Variants in SLC14A2 observed in about 807,000 individuals in gnomAD.
SLC14A2 encodes solute carrier family 14 member 2.
A neutral mutation model predicts 104.6 loss-of-function variants in SLC14A2; 91 were observed. The observed-to-expected ratio is 0.87, with a 90% CI of 0.73 to 1.04. The LOEUF (loss-of-function observed/expected upper bound fraction) is 1.04, where lower values mean the gene tolerates loss of function less well. Ranked by LOEUF, SLC14A2 falls within the 50% of genes least tolerant of loss-of-function variation. SLC14A2 has a pLI of 0.00. For missense variants in SLC14A2, 1,189 were observed against 1,156.0 expected (o/e 1.03, Z -0.41); for synonymous variants, 476 against 466.4 (o/e 1.02, Z -0.27).
At chr18:45,564,146 C>G (rs2044237999) in intron 2 of SLC14A2, among the ~76,000 whole-genome samples, 1 of 152,140 alleles carries the variant, frequency 6.6e-6, no homozygotes, top group South Asian at 2.1e-4. Flanking sequence ...AAAAAAGAAA[C>G]AAGATGAATG....
At chr18:45,216,715 G>C (rs1052098224) in intron 1 of SLC14A2, among the ~76,000 whole-genome samples, 2 of 120,850 alleles carry the variant, frequency 1.7e-5, no homozygotes, top group Admixed American at 8.0e-5. Context: ...CTTGGACATA[G>C]GGGGGCCGAG....
intron 10 of SLC14A2, among the ~76,000 whole-genome samples, chr18:45,662,362 C>T (rs145218947): frequency 0.01 from 1,546 of 152,326 alleles, 36 homozygotes; most frequent in African/African-American, 0.035. Flanking sequence ...CACAGACCCT[C>T]TTGTTGTTGG....
chr18:45,171,382 T>A, the SLC14A2 span, among the ~76,000 whole-genome samples: 9 of 152,030 alleles, frequency 5.9e-5, no homozygotes, highest in East Asian at 1.7e-3. Flanking sequence ...GTTTAAAAGG[T>A]GACTACCATT....
intron 1 of SLC14A2, among the ~76,000 whole-genome samples, chr18:45,393,764 A>AT (rs1444240603): frequency 6.6e-6 from 1 of 151,860 alleles, no homozygotes; most frequent in Admixed American, 6.6e-5. Flanking sequence ...AACAATTACC[A>AT]TTTTTCTACC....
At position 45,673,717 on chromosome 18, in the gene SLC14A2, C is replaced by T. The variant is rs1376091552; in HGVS notation, c.2412C>T (p.Tyr804=). ...LTIATPFDSI[Y]FGLCGFNSTL... ...TTGCGACGCCCTTTGACTCCATCTA[C>T]TTCGGCCTGTGTGGCTTCAACAGCA... Residue 804 remains tyrosine, a synonymous_variant, in exon 18 of 20, where the codon TAC becomes TAT. Transcript: ENST00000255226. The T allele has an allele frequency of 6.2e-7, 1 of 1,614,186 alleles. No individual in the cohort carries two copies.
At chr18:45,230,898 A>C (rs566210677) in intron 1 of SLC14A2, among the ~76,000 whole-genome samples, 4 of 152,356 alleles carry the variant, frequency 2.6e-5, no homozygotes, top group African/African-American at 9.6e-5. Flanking sequence ...ATGAATAATT[A>C]TGCTATTTTG....
Position 45,557,454 on chromosome 18 carries a change from C to T in SLC14A2, c.-34-67177C>T, listed in dbSNP as rs1321997108. On this transcript the variant is annotated intron_variant, in intron 2 of 20. Transcript: ENST00000586448. ...TCCTGGCATCCTGTCACACTGTAGG[C>T]TCAGGTTCTGTGGCTATGTGCTCTT... Among the ~76,000 whole-genome samples the T allele has an allele frequency of 2.0e-5, 3 of 152,328 alleles. No homozygotes were observed. The East Asian group carries it at 5.8e-4, about 29-fold the overall frequency.
chr18:45,565,606 G>C lies in SLC14A2; in HGVS notation c.-34-59025G>C, dbSNP rs16978406. 9.7e-3 allele frequency among the ~76,000 whole-genome samples: 1,476 copies of C among 152,330 alleles called. 21 individuals carry two copies. The highest frequency in any genetic ancestry group is 0.033 in the African/African-American group (1,372 of 41,580). ...GAGGCTCAGGAAAGCGAGGCAACTTGCTCAAGACTGCACATCTGGTCGGTG... is the reference window on the plus strand; with the variant it reads ...GAGGCTCAGGAAAGCGAGGCAACTTCCTCAAGACTGCACATCTGGTCGGTG... On this transcript the variant is annotated intron_variant, in intron 2 of 20. Transcript: ENST00000586448.
intron 2 of SLC14A2, among the ~76,000 whole-genome samples, chr18:45,592,609 T>C (rs1054617289): frequency 6.6e-5 from 10 of 152,350 alleles, no homozygotes; most frequent in African/African-American, 2.2e-4. Flanking sequence ...CACTGTATTA[T>C]ATTCCTACCA....
At chr18:45,565,069 C>CATGT (rs10632473) in intron 2 of SLC14A2, among the ~76,000 whole-genome samples, 151,078 of 152,038 alleles carry the variant, frequency 0.99, 75,062 homozygotes, top group Middle Eastern at 1. Flanking sequence ...TTCGTGCATG[C>CATGT]GTTTATAGAC....
intron 1 of SLC14A2, among the ~76,000 whole-genome samples, chr18:45,254,599 A>G (rs982769141): frequency 6.6e-6 from 1 of 152,122 alleles, no homozygotes; most frequent in Non-Finnish European, 1.5e-5. Flanking sequence ...CAGGCAGCTG[A>G]CTGGATTTTG....
At chr18:45,645,619 A>ATATATACATATATATATATATT in intron 10 of SLC14A2, among the ~76,000 whole-genome samples, 4 of 117,042 alleles carry the variant, frequency 3.4e-5, no homozygotes, top group African/African-American at 1.1e-4. Context: ...TTAAATATAT[A>ATATATACATATATATATATATT]TATACATATA....
At chr18:45,461,649 G>A (rs1433899406) in intron 1 of SLC14A2, among the ~76,000 whole-genome samples, 7 of 152,154 alleles carry the variant, frequency 4.6e-5, no homozygotes, top group African/African-American at 1.7e-4. Flanking sequence ...TATTTAGACA[G>A]AGCCCATCAT....
At chr18:45,550,352 T>C (rs780591122) in intron 2 of SLC14A2, among the ~76,000 whole-genome samples, 5 of 152,150 alleles carry the variant, frequency 3.3e-5, no homozygotes, top group Admixed American at 6.5e-5. Flanking sequence ...CCCACTTCCA[T>C]GCCCTTGTGC....
In SLC14A2 at chr18:45,417,157, T is replaced by A. The variant is rs1388075651; in HGVS notation, c.-124-66076T>A. On this transcript the variant is annotated intron_variant, in intron 1 of 20. Coordinates refer to the SLC14A2 transcript ENST00000586448. The stretch of plus-strand genomic sequence containing the variant: ...ATTTATCAGCAGAGAGGTTTTCTGA[T>A]CTGTGAAAAGTCACCTTACAAAATT... Among the ~76,000 whole-genome samples, 4 of 152,250 alleles carry A rather than the reference T, an allele frequency of 2.6e-5. No homozygotes were observed. In the East Asian group the frequency reaches 7.7e-4, roughly 29 times the overall value.
chr18:45,369,663 CAT>C (rs927780248), intron 1 of SLC14A2, among the ~76,000 whole-genome samples: 8 of 152,288 alleles, frequency 5.3e-5, no homozygotes, highest in Admixed American at 1.3e-4. Flanking sequence ...TGTATTTGCT[CAT>C]GTGTGTGTAT....
chr18:45,218,673 T>C (rs2084033069), intron 1 of SLC14A2, among the ~76,000 whole-genome samples: 1 of 152,224 alleles, frequency 6.6e-6, no homozygotes, highest in Admixed American at 6.5e-5. Flanking sequence ...TTTTAAATTT[T>C]ATGTCTTTAA....
At chr18:45,673,841 T>C (rs1568005374) in intron 18 of SLC14A2, 24 bp downstream of exon 18, 1 of 1,603,746 alleles carries the variant, frequency 6.2e-7, no homozygotes. Flanking sequence ...ACAGAGGATT[T>C]GTTTCCTTTA....
intron 2 of SLC14A2, among the ~76,000 whole-genome samples, chr18:45,584,771 G>A (rs958711233): frequency 6.6e-6 from 1 of 152,162 alleles, no homozygotes; most frequent in Admixed American, 6.5e-5. Flanking sequence ...TTTGGCCTAT[G>A]CTTCTATAAT....
Sources: allele counts gnomAD v4.1 joint callset (sites outside exome capture counted in the v4.1 genomes callset), GRCh38; gene constraint gnomAD v4.1.1; transcripts MANE v1.5; gene names NCBI Gene and HGNC (gene_info 2026-07-23, HGNC 2026-07-21).